Variants in ANXA7 observed in about 807,000 individuals in gnomAD.
ANXA7 encodes the protein annexin VII.
A neutral mutation model predicts 64.9 loss-of-function variants in ANXA7; 55 were observed. That is an observed-to-expected ratio of 0.85 (90% confidence interval 0.68 to 1.06). The LOEUF (loss-of-function observed/expected upper bound fraction) is 1.06, where lower values mean the gene tolerates loss of function less well. Among genes scored for constraint, ANXA7 ranks in the 50% least tolerant of loss-of-function variants. The pLI, the probability that ANXA7 is intolerant of heterozygous loss-of-function variation, is 0.00. For synonymous variants in ANXA7, 200 were observed against 192.4 expected, an observed-to-expected ratio of 1.04 and a Z score of -0.33; for missense variants, 548 against 582.1, an observed-to-expected ratio of 0.94 and a Z score of 0.60.
intron 5 of ANXA7, among the ~76,000 whole-genome samples, chr10:73,393,735 A>C (rs2055523639): frequency 6.6e-6 from 1 of 152,368 alleles, no homozygotes; most frequent in East Asian, 1.9e-4. Flanking sequence ...CTTAAATGTT[A>C]GATCTAAAAC....
At chr10:73,394,920 T>C (rs546630984) in intron 5 of ANXA7, among the ~76,000 whole-genome samples, 1 of 152,358 alleles carries the variant, frequency 6.6e-6, no homozygotes, top group South Asian at 2.1e-4. Context: ...GTGTTTCATG[T>C]TTAAAAGTCA....
chr10:73,378,128 AC>A (rs2055214355), intron 12 of ANXA7, among the ~76,000 whole-genome samples: 1 of 151,816 alleles, frequency 6.6e-6, no homozygotes, highest in South Asian at 2.1e-4. Flanking sequence ...TGATCCCAGC[AC>A]TTTGGGAGGC....
intron 12 of ANXA7, among the ~76,000 whole-genome samples, chr10:73,378,057 G>A (rs1027065343): frequency 7.9e-5 from 12 of 151,204 alleles, no homozygotes; most frequent in African/African-American, 2.2e-4. Context: ...AGTAAGCCAC[G>A]ACACCCCGCC....
At chr10:73,403,684 GC>G (rs2132694879) in intron 1 of ANXA7, among the ~76,000 whole-genome samples, 1 of 152,336 alleles carries the variant, frequency 6.6e-6, no homozygotes, top group South Asian at 2.1e-4. Flanking sequence ...CCTAGAAATG[GC>G]ATTGCTGAGA....
rs556929113 is a variant in ANXA7 at position 73,387,217 on chromosome 10, C to T, written c.633+472G>A. ...CAAGGACTACTCTAGAATGAAAAAG[C>T]CTTTTAAGAGAAATAGGCCAGGCAT... On this transcript the variant is annotated intron_variant, in intron 7 of 12. Coordinates refer to ENST00000372921, the MANE Select transcript of ANXA7 (RefSeq NM_001156.5). Among the ~76,000 whole-genome samples, 4 of 152,200 alleles carry T rather than the reference C, an allele frequency of 2.6e-5. No homozygotes were observed. The East Asian group carries it at 7.7e-4, about 29-fold the overall frequency.
intron 1 of ANXA7, chr10:73,408,179 G>A (rs952889734): frequency 1.4e-4 from 21 of 152,056 alleles, no homozygotes; most frequent in Admixed American, 1.4e-3. Context: ...AAATTACCCA[G>A]TGCAGCGGCG....
At chr10:73,388,512 G>T in intron 5 of ANXA7, 98 bp from the exon 6 acceptor site, 1 of 904,650 alleles carries the variant, frequency 1.1e-6, no homozygotes, top group Non-Finnish European at 1.8e-6. Flanking sequence ...AAGTAAGAAG[G>T]CCAATGTTTG....
intron 4 of ANXA7, 135 bp downstream of exon 4, chr10:73,397,029 A>G: frequency 2.0e-6 from 1 of 495,000 alleles, no homozygotes. Context: ...TCATAAAACC[A>G]TTATGTTTAA....
chr10:73,402,241 T>C (rs2055677570), intron 1 of ANXA7, among the ~76,000 whole-genome samples: 1 of 152,076 alleles, frequency 6.6e-6, no homozygotes, highest in Non-Finnish European at 1.5e-5. Flanking sequence ...CAGGCTGGAG[T>C]ATAGTGGCAC....
At chr10:73,382,083 A>G (rs1288166144) in intron 9 of ANXA7, among the ~76,000 whole-genome samples, 1 of 152,144 alleles carries the variant, frequency 6.6e-6, no homozygotes, top group Non-Finnish European at 1.5e-5. Context: ...CATGTTGGTC[A>G]GGCTGGTCTC....
intron 5 of ANXA7, chr10:73,395,753 T>C: frequency 2.1e-6 from 1 of 465,898 alleles, no homozygotes; most frequent in Non-Finnish European, 4.0e-6. Context: ...GCCACTGCAC[T>C]CTAGCCTGGG....
chr10:73,385,843 C>G (rs1253286123), intron 7 of ANXA7, among the ~76,000 whole-genome samples: 1 of 152,100 alleles, frequency 6.6e-6, no homozygotes. Flanking sequence ...TGGGACCAAT[C>G]AATGGACCAC....
At chr10:73,413,556 G>C (rs866752921) in intron 1 of ANXA7, among the ~76,000 whole-genome samples, 1 of 152,216 alleles carries the variant, frequency 6.6e-6, no homozygotes, top group Non-Finnish European at 1.5e-5. Context: ...CCTTGGCCTG[G>C]CGCATTCTGT....
rs1011307968 is a variant in ANXA7, at chr10:73,375,757, A to T, written c.*338T>A. The stretch of plus-strand genomic sequence containing the variant: ...AGAGCTTTCAGTAACCTTCTAAAAA[A>T]TTATTCAATATTATTACACAGAATC... On this transcript the variant is annotated 3_prime_UTR_variant, in exon 13 of 13. Coordinates refer to ENST00000372921, the MANE Select transcript of ANXA7 (RefSeq NM_001156.5). 2 of 162,668 alleles carry T rather than the reference A, an allele frequency of 1.2e-5. No individual in the cohort carries two copies. Among genetic ancestry groups the T allele is most frequent in the African/African-American group, 2.4e-5 (1 of 41,856 alleles). 10.1% of individuals were successfully genotyped at this position (162,668 alleles called of 1,614,324 possible).
chr10:73,385,634 T>G (rs2055355736), intron 7 of ANXA7, among the ~76,000 whole-genome samples: 2 of 152,150 alleles, frequency 1.3e-5, no homozygotes, highest in South Asian at 4.1e-4. Context: ...GAAATTAGAT[T>G]GTTAGTTTTA....
chr10:73,396,658 G>A (rs2055581256), intron 4 of ANXA7, 75 bp from the exon 5 acceptor site: 3 of 836,628 alleles, frequency 3.6e-6, no homozygotes, highest in East Asian at 5.4e-5. Flanking sequence ...CAGCATTGAT[G>A]ACTATGAATA....
intron 5 of ANXA7, among the ~76,000 whole-genome samples, chr10:73,390,717 T>A (rs1188460373): frequency 8.8e-6 from 1 of 113,450 alleles, no homozygotes; most frequent in Non-Finnish European, 1.7e-5. Context: ...TATATATATA[T>A]ATAAAAATAT....
rs1332927682 is a variant in ANXA7 at position 73,375,642 on chromosome 10, C to T, written c.*453G>A. 1.4e-5 allele frequency: 2 copies of T among 147,142 alleles called. No homozygotes were observed. The highest frequency in any genetic ancestry group is 2.9e-5 in the Non-Finnish European group (2 of 67,808). 9.1% of individuals were successfully genotyped at this position (147,142 alleles called of 1,614,324 possible). On this transcript the variant is annotated 3_prime_UTR_variant, in exon 13 of 13. Coordinates refer to ENST00000372921, the MANE Select transcript of ANXA7 (RefSeq NM_001156.5). ...TAGGCAAAATGAGATGCAAATTATT[C>T]TAGATGTAAAGGTTGAATTTTTTTT... is the stretch of plus-strand genomic sequence containing the variant.
rs1395055306 is a variant in ANXA7 at position 73,414,024 on chromosome 10, GCAGCGTCACAGCC to G, written c.-27_-15del. 4 of 152,432 alleles carry G rather than the reference GCAGCGTCACAGCC, an allele frequency of 2.6e-5. No individual in the cohort carries two copies. Among genetic ancestry groups the G allele is most frequent in the Non-Finnish European group, 5.9e-5 (4 of 68,220 alleles). 9.4% of individuals were successfully genotyped at this position (152,432 alleles called of 1,614,324 possible). ...CGCCGCTCCTCACCTGACCCCAGCA[GCAGCGTCACAGCC>G]CAACCCGGTCTCCCGCAAGATGGAG... On this transcript the variant is annotated 5_prime_UTR_variant, in exon 1 of 13. Coordinates refer to ENST00000372921, the MANE Select transcript of ANXA7 (RefSeq NM_001156.5).
Sources: gnomAD v4.1 joint callset for allele counts (sites outside exome capture counted in the v4.1 genomes callset) on GRCh38, gnomAD v4.1.1 for gene constraint, MANE v1.5 for transcripts, NCBI Gene and HGNC (gene_info 2026-07-23, HGNC 2026-07-21) for gene names.